NOTO: variants seen among roughly 807,000 people sequenced by gnomAD.
The protein encoded by NOTO is homeobox protein notochord.
In NOTO, 19 loss-of-function variants were observed where a neutral mutation model predicts 20.5. The ratio of observed to expected loss-of-function variants is 0.93; its 90% confidence interval spans 0.65 to 1.36. The LOEUF (loss-of-function observed/expected upper bound fraction) is 1.36, where lower values mean the gene tolerates loss of function less well. NOTO is among the 40% of genes most tolerant of loss of function. The probability of loss-of-function intolerance (pLI) is 0.00; values close to 1 mark genes in which losing one functional copy is unlikely to be tolerated. For missense variants in NOTO, 369 were observed against 336.2 expected (o/e 1.10, Z -0.76); for synonymous variants, 150 against 150.2 (o/e 1.00, Z 0.01).
Position 73,208,452 on chromosome 2 carries a change from A to G in NOTO, c.435A>G (p.Pro145=). Residue 145 remains proline (P), a synonymous_variant, in exon 2 of 3, where the codon CCA becomes CCG. Transcript: ENST00000398468. ...TCTGGGCCTTCCCAGACTGGGCCCC[A>G]ACGGAGGACCTACAGGACACTGAGA... ...SGLWAFPDWA[P]TEDLQDTERQ... is the part of the protein sequence containing the mutation. The G allele has an allele frequency of 6.4e-7, 1 of 1,551,708 alleles. No homozygotes were observed. Among genetic ancestry groups the G allele is most frequent in the Non-Finnish European group, 8.7e-7 (1 of 1,146,990 alleles).
At position 73,205,418 on chromosome 2, in the gene NOTO, T is replaced by C. The variant is rs1468654585; in HGVS notation, c.382+2370T>C. ...GGGGCTGAAGTGGGAGGATTGCTTG[T>C]GCCTGGGAGGCAGAGGTTGCAGTGA... is the stretch of plus-strand genomic sequence containing the variant. On this transcript the variant is annotated intron_variant, in intron 1 of 2. Coordinates refer to ENST00000398468, the MANE Select transcript of NOTO (RefSeq NM_001134462.2). 2.0e-5 allele frequency among the ~76,000 whole-genome samples: 3 copies of C among 152,102 alleles called. No individual in the cohort carries two copies. The East Asian group carries it at 5.8e-4, about 30-fold the overall frequency.
chr2:73,203,819 G>A (rs141519206), intron 1 of NOTO, among the ~76,000 whole-genome samples: 3,426 of 94,288 alleles, frequency 0.036, 120 homozygotes, highest in African/African-American at 0.092. Flanking sequence ...ACAAAAAATT[G>A]GCCGGGCGCG....
At chr2:73,210,348 A>C (rs1265939300) in intron 2 of NOTO, among the ~76,000 whole-genome samples, 2 of 138,404 alleles carry the variant, frequency 1.4e-5, no homozygotes, top group African/African-American at 5.6e-5. Flanking sequence ...CTCTGTCCCC[A>C]TCAGGTGGGC....
intron 1 of NOTO, 112 bp downstream of exon 1, chr2:73,203,160 A>T: frequency 4.3e-6 from 4 of 940,958 alleles, no homozygotes; most frequent in South Asian, 2.7e-5. Context: ...AGAATCACAC[A>T]CGGCTGGAGT....
At chr2:73,203,426 C>G (rs1686035192) in intron 1 of NOTO, among the ~76,000 whole-genome samples, 1 of 151,754 alleles carries the variant, frequency 6.6e-6, no homozygotes, top group African/African-American at 2.4e-5. Flanking sequence ...GACAGAGACG[C>G]TTCCCAAAGC....
chr2:73,205,748 T>C (rs1282341829), intron 1 of NOTO, among the ~76,000 whole-genome samples: 2 of 152,128 alleles, frequency 1.3e-5, no homozygotes, highest in Non-Finnish European at 2.9e-5. Context: ...TAAGCACTCC[T>C]CCTTAGCTTC....
At chr2:73,203,326 A>G (rs576527597) in intron 1 of NOTO, among the ~76,000 whole-genome samples, 34 of 152,268 alleles carry the variant, frequency 2.2e-4, no homozygotes, top group African/African-American at 7.2e-4. Context: ...GGTGGGCAGG[A>G]GGCCAGCGCT....
chr2:73,208,357 C>G (rs919276245), intron 1 of NOTO, 43 bp from the exon 2 acceptor site: 3 of 1,403,018 alleles, frequency 2.1e-6, no homozygotes, highest in African/African-American at 1.4e-5. Flanking sequence ...GGCTAACCTC[C>G]CCTGCTGCTG....
At chr2:73,208,167 G>C in intron 1 of NOTO, among the ~76,000 whole-genome samples, 1 of 152,256 alleles carries the variant, frequency 6.6e-6, no homozygotes, top group East Asian at 1.9e-4. Flanking sequence ...TGGCTAGAGA[G>C]TAGTGGTGGC....
intron 2 of NOTO, among the ~76,000 whole-genome samples, chr2:73,209,659 C>T (rs1029557262): frequency 2.6e-5 from 4 of 152,132 alleles, no homozygotes; most frequent in Non-Finnish European, 4.4e-5. Flanking sequence ...CATCTATTCC[C>T]GTGGCTTAAA....
rs761186993 is a variant in NOTO, at chr2:73,210,753, C to T, written c.598-18C>T. 2 of 1,539,232 alleles carry T rather than the reference C, an allele frequency of 1.3e-6. No individual in the cohort carries two copies. Among genetic ancestry groups the T allele is most frequent in the Non-Finnish European group, 8.8e-7 (1 of 1,139,666 alleles). ...CCTGATGGTCACATTCTGATCTCTG[C>T]CCACTCTCCAATTATAGGTGAGAGT... On this transcript the variant is annotated intron_variant, in intron 2 of 2. Coordinates refer to ENST00000398468, the MANE Select transcript of NOTO (RefSeq NM_001134462.2).
At chr2:73,203,177 G>A in intron 1 of NOTO, 129 bp downstream of exon 1, 2 of 813,814 alleles carry the variant, frequency 2.5e-6, no homozygotes, top group Admixed American at 4.3e-5. Context: ...GAGTGGGAAG[G>A]GGCTCTGCCA....
intron 1 of NOTO, among the ~76,000 whole-genome samples, chr2:73,207,293 G>C (rs1686102155): frequency 6.6e-6 from 1 of 152,148 alleles, no homozygotes; most frequent in South Asian, 2.1e-4. Context: ...CGGGACCCCA[G>C]ATACACTCCC....
Position 73,202,755 on chromosome 2 carries a change from C to T in NOTO, c.89C>T (p.Pro30Leu). Residue 30 changes from proline to leucine, a missense_variant, in exon 1 of 3, where the codon CCC becomes CTC. Pro to Leu is a moderately conservative substitution (Grantham distance 98, BLOSUM62 -3). Transcript: ENST00000398468. ...RPPRSGRSPA[P>L]RSPTGPNTPR... is the part of the protein sequence containing the mutation. ...CCGCGCTCTGGCCGCTCTCCGGCGCCCAGGTCCCCTACTGGCCCGAACACG... is the reference window on the plus strand; with the variant it reads ...CCGCGCTCTGGCCGCTCTCCGGCGCTCAGGTCCCCTACTGGCCCGAACACG... 1 of 1,521,618 alleles carries T rather than the reference C, an allele frequency of 6.6e-7. No homozygotes were observed. 94.3% of individuals were successfully genotyped at this position (1,521,618 alleles called of 1,614,324 possible). A position where few individuals can be genotyped will look rare whatever the true frequency, so the allele number is the denominator to read the frequency against.
chr2:73,210,859 T>G lies in NOTO; in HGVS notation c.686T>G (p.Leu229Arg). 6.4e-7 allele frequency: 1 copy of G among 1,551,642 alleles called. No individual in the cohort carries two copies. The highest frequency in any genetic ancestry group is 8.7e-7 in the Non-Finnish European group (1 of 1,146,952). The change falls in exon 3 of 3, where the codon CTG becomes CGG. Residue 229 changes from leucine (L) to arginine (R), a missense_variant. Transcript: ENST00000398468. ...AAVTSAEAAS[L>R]DEPSSSSIAS... ...GTTACATCTGCCGAGGCTGCCTCCC[T>G]GGATGAGCCTTCCAGCAGCTCCATC...
rs535459157 is a variant in NOTO at position 73,211,845 on chromosome 2, A to C, written c.*916A>C. ...ACTCATTAGCATATGAAAAGACATC[A>C]CTTCAGAGATTCTAGGGATTTTAGG... is the stretch of plus-strand genomic sequence containing the variant. On this transcript the variant is annotated 3_prime_UTR_variant, in exon 3 of 3. Transcript: ENST00000398468. The C allele has an allele frequency of 6.6e-6, 1 of 152,296 alleles. No homozygotes were observed. The highest frequency in any genetic ancestry group is 6.5e-5 in the Admixed American group (1 of 15,298). The allele number at this position is 152,296 out of a possible 1,614,324, so 9.4% of individuals were successfully genotyped here. A position where few individuals can be genotyped will look rare whatever the true frequency, so the allele number is the denominator to read the frequency against.
chr2:73,208,687 G>A, intron 2 of NOTO, 73 bp downstream of exon 2: 1 of 986,196 alleles, frequency 1.0e-6, no homozygotes, highest in Non-Finnish European at 1.5e-6. Context: ...GCCCTAAAAG[G>A]AGGGTGGGAG....
At position 73,208,574 on chromosome 2, in the gene NOTO, G is replaced by A. The variant is rs1463846925; in HGVS notation, c.557G>A (p.Arg186Lys). The stretch of plus-strand genomic sequence containing the variant: ...CAGCACAATCTGGTGGGGAAGAAGA[G>A]AGCCCAGCTGGCAGCTCGGCTCAAA... The part of the protein sequence containing the change: ...AKQHNLVGKK[R>K]AQLAARLKLT... The change falls in exon 2 of 3, where the codon AGA (arginine) becomes AAA (lysine). Residue 186 changes from arginine (R) to lysine (K), a missense_variant. Transcript: ENST00000398468. The A allele has an allele frequency of 1.9e-6, 3 of 1,551,528 alleles. No homozygotes were observed. The highest frequency in any genetic ancestry group is 2.4e-5 in the East Asian group (1 of 40,918).
Position 73,208,507 on chromosome 2 carries a change from A to G in NOTO, c.490A>G (p.Asn164Asp). 6.4e-7 allele frequency: 1 copy of G among 1,551,610 alleles called. No individual in the cohort carries two copies. Among genetic ancestry groups the G allele is most frequent in the South Asian group, 1.2e-5 (1 of 84,060 alleles). ...RQQKRVRTMFNLEQLEELEKV... is the reference protein window; with the variant it reads ...RQQKRVRTMFDLEQLEELEKV... The stretch of plus-strand genomic sequence containing the variant: ...GCAAAAGAGAGTCCGAACTATGTTT[A>G]ACTTGGAGCAGCTGGAAGAGTTGGA... The change falls in exon 2 of 3, where the codon AAC becomes GAC. Residue 164 changes from asparagine (N) to aspartate (D), a missense_variant. Coordinates refer to ENST00000398468, the MANE Select transcript of NOTO (RefSeq NM_001134462.2).
Sources: gnomAD v4.1 joint callset for allele counts (sites outside exome capture counted in the v4.1 genomes callset) on GRCh38, gnomAD v4.1.1 for gene constraint, MANE v1.5 for transcripts, NCBI Gene and HGNC (gene_info 2026-07-23, HGNC 2026-07-21) for gene names.